The following LRRTM4 variants were observed in gnomAD, a reference collection of about 807,000 sequenced individuals.
LRRTM4 encodes the protein leucine rich repeat transmembrane neuronal 4.
Under a neutral mutation model 47.6 loss-of-function variants are expected in LRRTM4, and 25 were observed. That is an observed-to-expected ratio of 0.53 (90% CI 0.38 to 0.73). LRRTM4 has a LOEUF of 0.73. Among genes scored for constraint, LRRTM4 ranks in the 30% least tolerant of loss-of-function variants. LRRTM4 has a pLI of 0.00. For synonymous variants in LRRTM4, 311 were observed against 269.5 expected (o/e 1.15, Z -1.51); for missense variants, 638 against 713.4 (o/e 0.89, Z 1.20).
At position 77,258,221 on chromosome 2, in the gene LRRTM4, A is replaced by C. The variant is rs375979721; in HGVS notation, c.1551+260097T>G. On this transcript the variant is annotated intron_variant, in intron 3 of 3. Coordinates refer to ENST00000409884, the MANE Select transcript of LRRTM4 (RefSeq NM_001134745.3). ...CAAATGCTGGTGAGGATGTGAAGAAAATGTCCCTTTTACTGCCAATGAATA... is the reference window on the plus strand; with the variant it reads ...CAAATGCTGGTGAGGATGTGAAGAACATGTCCCTTTTACTGCCAATGAATA... Among the ~76,000 whole-genome samples, 4 of 152,142 alleles carry C rather than the reference A, an allele frequency of 2.6e-5. No individual in the cohort carries two copies. The East Asian group carries it at 7.7e-4, about 29-fold the overall frequency.
At chr2:77,318,288 G>A (rs1407445434) in intron 3 of LRRTM4, among the ~76,000 whole-genome samples, 2 of 152,108 alleles carry the variant, frequency 1.3e-5, no homozygotes, top group Non-Finnish European at 2.9e-5. Context: ...TTACAGGCGT[G>A]AGCCACCGCG....
Position 77,249,892 on chromosome 2 carries a change from T to C in LRRTM4, c.1551+268426A>G, listed in dbSNP as rs1478344223. ...AAAATGTTTCTAGAAGGTTTATTCA[T>C]AATTGCCAAAACTTGAAAGCAACTA... On this transcript the variant is annotated intron_variant, in intron 3 of 3. Transcript: ENST00000409884. Among the ~76,000 whole-genome samples, 3 of 152,226 alleles carry C rather than the reference T, an allele frequency of 2.0e-5. 1 individual carries two copies. Among genetic ancestry groups the C allele is most frequent in the Non-Finnish European group, 4.4e-5 (3 of 68,036 alleles).
At chr2:77,207,838 T>G (rs1474427740) in intron 3 of LRRTM4, among the ~76,000 whole-genome samples, 1 of 148,656 alleles carries the variant, frequency 6.7e-6, no homozygotes, top group Non-Finnish European at 1.5e-5. Flanking sequence ...CAGATACTGG[T>G]AAATGAAAGT....
In LRRTM4 at chr2:77,519,620, G is replaced by T; in HGVS notation, c.249C>A (p.Gly83=). The T allele has an allele frequency of 4.3e-6, 7 of 1,613,416 alleles. No homozygotes were observed. Among genetic ancestry groups the T allele is most frequent in the Non-Finnish European group, 5.1e-6 (6 of 1,179,644 alleles). The change falls in exon 3 of 4, where the codon GGC becomes GGA. Residue 83 remains glycine, a synonymous_variant. Transcript: ENST00000409884. The surrounding 1 kb of genome is among the most constrained non-coding windows in gnomAD (Gnocchi z 4.6). ...GATAAAGCCATATAAGCTGGTTAAGGCCGGCAAACTGATTGGATTTGAGCT... is the reference window on the plus strand; with the variant it reads ...GATAAAGCCATATAAGCTGGTTAAGTCCGGCAAACTGATTGGATTTGAGCT... ...IQKLKSNQFA[G]LNQLIWLYLD... is the part of the protein sequence containing the mutation.
chr2:76,999,087 T>C (rs1677316383), intron 3 of LRRTM4, among the ~76,000 whole-genome samples: 1 of 151,994 alleles, frequency 6.6e-6, no homozygotes, highest in African/African-American at 2.4e-5. Flanking sequence ...GTTACTGTTG[T>C]TGTGTGTGTG....
intron 3 of LRRTM4, among the ~76,000 whole-genome samples, chr2:77,346,658 C>T (rs1032945066): frequency 6.6e-6 from 1 of 151,870 alleles, no homozygotes; most frequent in African/African-American, 2.4e-5. Context: ...TGGATATAGA[C>T]AAAAATGTAG....
At chr2:77,247,013 T>A (rs1675466808) in intron 3 of LRRTM4, among the ~76,000 whole-genome samples, 1 of 152,122 alleles carries the variant, frequency 6.6e-6, no homozygotes, top group Non-Finnish European at 1.5e-5. Flanking sequence ...CATAAATTAC[T>A]ATTTTTAATA....
At chr2:77,024,712 C>G (rs1236929507) in intron 3 of LRRTM4, among the ~76,000 whole-genome samples, 1 of 152,058 alleles carries the variant, frequency 6.6e-6, no homozygotes, top group Non-Finnish European at 1.5e-5. Context: ...AACAAAATTA[C>G]ATGTATGAAC....
rs143714578 is a variant in LRRTM4 at position 76,762,015 on chromosome 2, G to C, written c.1552-13099C>G. ...GATGATCTGTATGTGTGAGACTACAGAGAATAGCTTGCAAAAGCTGTTCTC... is the reference window on the plus strand; with the variant it reads ...GATGATCTGTATGTGTGAGACTACACAGAATAGCTTGCAAAAGCTGTTCTC... On this transcript the variant is annotated intron_variant, in intron 3 of 3. Transcript: ENST00000409884. Among the ~76,000 whole-genome samples the C allele has an allele frequency of 4.6e-3, 699 of 152,274 alleles. 11 individuals carry two copies. Among genetic ancestry groups the C allele is most frequent in the African/African-American group, 0.015 (634 of 41,562 alleles).
At chr2:76,906,618 C>G (rs1324330651) in intron 3 of LRRTM4, among the ~76,000 whole-genome samples, 1 of 152,064 alleles carries the variant, frequency 6.6e-6, no homozygotes, top group East Asian at 1.9e-4. Flanking sequence ...CATGCAGAGA[C>G]ACACATAGGC....
chr2:76,947,464 T>C (rs1230785842), intron 3 of LRRTM4, among the ~76,000 whole-genome samples: 1 of 151,898 alleles, frequency 6.6e-6, no homozygotes, highest in Admixed American at 6.6e-5. Flanking sequence ...AATAATGAAT[T>C]GTTCTGTGAA....
At chr2:76,823,746 C>T (rs1671115865) in intron 3 of LRRTM4, among the ~76,000 whole-genome samples, 1 of 151,324 alleles carries the variant, frequency 6.6e-6, no homozygotes, top group Non-Finnish European at 1.5e-5. Context: ...TAGTGATATA[C>T]ACATTAAGTC....
At chr2:76,968,751 C>T (rs374044434) in intron 3 of LRRTM4, among the ~76,000 whole-genome samples, 4 of 151,698 alleles carry the variant, frequency 2.6e-5, no homozygotes, top group African/African-American at 9.7e-5. Context: ...CGAAACTACC[C>T]TTCTCTTAGT....
intron 3 of LRRTM4, among the ~76,000 whole-genome samples, chr2:76,943,685 A>G (rs1675229450): frequency 2.0e-5 from 3 of 152,200 alleles, no homozygotes; most frequent in Non-Finnish European, 4.4e-5. Context: ...TATACCCTGT[A>G]GGAGTCTAAA....
chr2:76,932,763 G>T (rs190476429), intron 3 of LRRTM4, among the ~76,000 whole-genome samples: 15 of 151,558 alleles, frequency 9.9e-5, no homozygotes, highest in African/African-American at 2.9e-4. Flanking sequence ...ATATACACAC[G>T]TGTGTATACA....
intron 3 of LRRTM4, among the ~76,000 whole-genome samples, chr2:77,383,612 C>T (rs1341456622): frequency 6.6e-6 from 1 of 151,960 alleles, no homozygotes; most frequent in Non-Finnish European, 1.5e-5. Context: ...TATGGATGTT[C>T]CAGGTTCTGC....
chr2:76,874,041 C>A (rs866901136), intron 3 of LRRTM4, among the ~76,000 whole-genome samples: 2 of 151,714 alleles, frequency 1.3e-5, no homozygotes, highest in African/African-American at 4.8e-5. Context: ...TTACTCCCCC[C>A]AGAGCTTCAT....
chr2:77,347,398 A>G (rs2104288825), intron 3 of LRRTM4, among the ~76,000 whole-genome samples: 1 of 152,318 alleles, frequency 6.6e-6, no homozygotes, highest in East Asian at 1.9e-4. Context: ...GAAATGTATT[A>G]CCAGAATATT....
intron 3 of LRRTM4, among the ~76,000 whole-genome samples, chr2:76,989,088 A>G (rs1676911611): frequency 6.6e-6 from 1 of 151,898 alleles, no homozygotes; most frequent in Admixed American, 6.6e-5. Context: ...TATTTTAGGC[A>G]ATACAATTTC....
Sources: allele counts gnomAD v4.1 joint callset (sites outside exome capture counted in the v4.1 genomes callset), GRCh38; gene constraint gnomAD v4.1.1; non-coding constraint Gnocchi (gnomAD v3.1); transcripts MANE v1.5; gene names NCBI Gene and HGNC (gene_info 2026-07-23, HGNC 2026-07-21).